Variants in CYRIB observed in about 807,000 individuals in gnomAD.
CYRIB encodes CYFIP related Rac1 interactor B.
Under a neutral mutation model 44.2 loss-of-function variants are expected in CYRIB, and 8 were observed. The observed-to-expected ratio is 0.18, with a 90% confidence interval of 0.11 to 0.33. The LOEUF (loss-of-function observed/expected upper bound fraction) is 0.33. CYRIB is among the 10% of genes least tolerant of loss of function. CYRIB has a pLI of 1.00. For missense variants in CYRIB, 185 were observed against 382.8 expected (o/e 0.48, Z 4.31); for synonymous variants, 131 against 127.2 (o/e 1.03, Z -0.20).
intron 1 of CYRIB, among the ~76,000 whole-genome samples, chr8:129,910,824 G>A (rs1246296309): frequency 4.6e-5 from 7 of 152,084 alleles, no homozygotes; most frequent in African/African-American, 7.2e-5. Flanking sequence ...ACACGGTCTC[G>A]CTCTGTCGCC....
intron 1 of CYRIB, among the ~76,000 whole-genome samples, chr8:129,992,432 C>T (rs550913460): frequency 6.6e-6 from 1 of 152,380 alleles, no homozygotes; most frequent in South Asian, 2.1e-4. Context: ...CTGCCACCCC[C>T]TCTTGGAACA....
At chr8:129,994,198 G>A (rs1465859645) in intron 1 of CYRIB, among the ~76,000 whole-genome samples, 2 of 152,288 alleles carry the variant, frequency 1.3e-5, no homozygotes, top group South Asian at 2.1e-4. Flanking sequence ...AGAAGGCCAC[G>A]TGAACACGAG....
upstream of CYRIB, among the ~76,000 whole-genome samples, chr8:129,941,943 TCATC>T (rs2130884721): frequency 6.6e-6 from 1 of 152,302 alleles, no homozygotes; most frequent in East Asian, 1.9e-4. Context: ...ACAACAATTT[TCATC>T]CACTGGTCGT....
chr8:129,891,814 C>T (rs1292383705), intron 2 of CYRIB, among the ~76,000 whole-genome samples: 3 of 152,158 alleles, frequency 2.0e-5, no homozygotes, highest in East Asian at 3.9e-4. Flanking sequence ...TTGCCTAATG[C>T]TGACATCTAG....
At chr8:129,843,460 T>G (rs1201694833) in intron 11 of CYRIB, among the ~76,000 whole-genome samples, 1 of 152,246 alleles carries the variant, frequency 6.6e-6, no homozygotes, top group Non-Finnish European at 1.5e-5. Flanking sequence ...TGGGCCAGAT[T>G]ACAGCAGCAA....
At chr8:129,934,785 GGAGA>G (rs2092472514) in intron 1 of CYRIB, among the ~76,000 whole-genome samples, 1 of 152,148 alleles carries the variant, frequency 6.6e-6, no homozygotes, top group Non-Finnish European at 1.5e-5. Flanking sequence ...TGATTTTGCA[GGAGA>G]CAACATAAGG....
chr8:129,866,737 C>T (rs1383870622), intron 4 of CYRIB, among the ~76,000 whole-genome samples: 1 of 152,178 alleles, frequency 6.6e-6, no homozygotes, highest in Admixed American at 6.6e-5. Context: ...GCAAATGTCA[C>T]CCATTTTCAT....
Position 129,858,995 on chromosome 8 carries a change from GATAAA to G in CYRIB, c.301+3229_301+3233del, listed in dbSNP as rs1277878751. 2.6e-5 allele frequency among the ~76,000 whole-genome samples: 4 copies of G among 152,302 alleles called. No homozygotes were observed. In the East Asian group the frequency reaches 7.7e-4, roughly 29 times the overall value. ...TGTAGAAATAAAGACACAAGACAAA[GATAAA>G]AGAAAAGACAGCTGGGCCCGGGGGA... On this transcript the variant is annotated intron_variant, in intron 5 of 11. Transcript: ENST00000519824.
intron 1 of CYRIB, among the ~76,000 whole-genome samples, chr8:129,938,782 A>C (rs189010680): frequency 6.6e-6 from 1 of 152,314 alleles, no homozygotes; most frequent in East Asian, 1.9e-4. Context: ...ACTCAGAGGA[A>C]ATTAATCCAT....
chr8:129,885,743 T>A (rs1476829031), intron 2 of CYRIB, among the ~76,000 whole-genome samples: 1 of 152,056 alleles, frequency 6.6e-6, no homozygotes, highest in African/African-American at 2.4e-5. Flanking sequence ...CAACCTGAAG[T>A]GCAGCCTCAG....
At chr8:129,959,723 A>G (rs547863465) in intron 2 of CYRIB, among the ~76,000 whole-genome samples, 1 of 152,272 alleles carries the variant, frequency 6.6e-6, no homozygotes, top group African/African-American at 2.4e-5. Flanking sequence ...CCCCATCAAG[A>G]GGCATTCTTC....
chr8:129,918,505 C>G (rs2081912633), intron 1 of CYRIB, among the ~76,000 whole-genome samples: 1 of 152,166 alleles, frequency 6.6e-6, no homozygotes, highest in Non-Finnish European at 1.5e-5. Flanking sequence ...ATAATTCTGT[C>G]AACACCAAAG....
At chr8:129,891,896 G>A (rs1478272785) in intron 2 of CYRIB, among the ~76,000 whole-genome samples, 2 of 152,234 alleles carry the variant, frequency 1.3e-5, no homozygotes, top group East Asian at 3.9e-4. Context: ...TGGGCCATGT[G>A]CAATGGATAT....
intron 1 of CYRIB, among the ~76,000 whole-genome samples, chr8:129,910,562 C>G (rs1005697693): frequency 6.9e-6 from 1 of 145,384 alleles, no homozygotes; most frequent in South Asian, 2.2e-4. Context: ...CTTCAGGAAG[C>G]TGAGGTGGGA....
intron 1 of CYRIB, among the ~76,000 whole-genome samples, chr8:129,924,572 A>G (rs2137520558): frequency 6.6e-6 from 1 of 152,260 alleles, no homozygotes; most frequent in Non-Finnish European, 1.5e-5. Flanking sequence ...CTAGCCTTTA[A>G]AGTTACTCTG....
intron 1 of CYRIB, among the ~76,000 whole-genome samples, chr8:130,001,307 C>T (rs556662844): frequency 6.6e-6 from 1 of 152,244 alleles, no homozygotes; most frequent in African/African-American, 2.4e-5. Flanking sequence ...TGCATCCTTG[C>T]TCCCTGGACG....
intron 1 of CYRIB, among the ~76,000 whole-genome samples, chr8:129,935,845 T>C (rs574076581): frequency 6.6e-6 from 1 of 152,276 alleles, no homozygotes; most frequent in African/African-American, 2.4e-5. Flanking sequence ...TCACACAATA[T>C]CTTTGAAAGT....
rs756794671 is a variant in CYRIB at position 129,855,601 on chromosome 8, A to G, written c.438+10T>C. The G allele has an allele frequency of 7.4e-6, 12 of 1,613,846 alleles. No homozygotes were observed. Among genetic ancestry groups the G allele is most frequent in the African/African-American group, 1.3e-5 (1 of 74,906 alleles). ...TTTTCGTAACAATCAGGGCCAATAG[A>G]TAATTCTACCTTGAGTTCATCAAAC... is the stretch of plus-strand genomic sequence containing the variant. On this transcript the variant is annotated intron_variant, in intron 6 of 11. Coordinates refer to ENST00000519824, the Ensembl canonical transcript of CYRIB.
At chr8:129,930,438 G>GT (rs985147438) in intron 1 of CYRIB, among the ~76,000 whole-genome samples, 5 of 132,472 alleles carry the variant, frequency 3.8e-5, no homozygotes, top group African/African-American at 1.4e-4. Context: ...ACTGAAAATG[G>GT]TTTAAAAACT....
Sources: gnomAD v4.1 joint callset for allele counts (sites outside exome capture counted in the v4.1 genomes callset) on GRCh38, gnomAD v4.1.1 for gene constraint, MANE v1.5 for transcripts, NCBI Gene and HGNC (gene_info 2026-07-23, HGNC 2026-07-21) for gene names.